Variants in PAPPA observed in about 807,000 individuals in gnomAD.
PAPPA encodes the protein pappalysin-1.
PAPPA carries 60 observed loss-of-function variants against 164.0 expected under a neutral mutation model. The observed-to-expected ratio is 0.37, with a 90% CI of 0.30 to 0.45. The LOEUF is 0.45. Ranked by LOEUF, PAPPA falls within the 20% of genes least tolerant of loss-of-function variation. The probability of loss-of-function intolerance (pLI) is 1.00; values close to 1 mark genes in which losing one functional copy is unlikely to be tolerated. For synonymous variants in PAPPA, 875 were observed against 814.1 expected (o/e 1.07, Z -1.27); for missense variants, 1,782 against 2,087.3 (o/e 0.85, Z 2.85).
intron 18 of PAPPA, 133 bp downstream of exon 18, chr9:116,362,872 T>A: frequency 1.2e-6 from 1 of 821,142 alleles, no homozygotes; most frequent in Non-Finnish European, 1.9e-6. Context: ...GAGAGATGAA[T>A]TAGTGTAGAC....
intron 2 of PAPPA, among the ~76,000 whole-genome samples, chr9:116,202,051 C>T (rs548865488): frequency 6.6e-6 from 1 of 152,148 alleles, no homozygotes; most frequent in Admixed American, 6.5e-5. Flanking sequence ...GAAGAGTGAC[C>T]TGCTTTGAGT....
chr9:116,228,327 G>A (rs893898932), intron 6 of PAPPA, among the ~76,000 whole-genome samples: 2 of 152,046 alleles, frequency 1.3e-5, no homozygotes, highest in African/African-American at 2.4e-5. Flanking sequence ...TGTACACATA[G>A]ACCCTGCCCC....
At chr9:116,216,533 CCACTCCTGGAGA>C (rs996574937) in intron 4 of PAPPA, among the ~76,000 whole-genome samples, 2 of 152,136 alleles carry the variant, frequency 1.3e-5, no homozygotes, top group African/African-American at 4.8e-5. Flanking sequence ...GATGAGCTGG[CCACTCCTGGAGA>C]CCAGATGAAG....
intron 1 of PAPPA, among the ~76,000 whole-genome samples, chr9:116,181,133 G>A (rs1286295186): frequency 6.6e-6 from 1 of 152,212 alleles, no homozygotes; most frequent in East Asian, 1.9e-4. Flanking sequence ...ACAGGCATTA[G>A]GAGATAAGAT....
At chr9:116,156,877 G>C (rs1843610696) in intron 1 of PAPPA, among the ~76,000 whole-genome samples, 1 of 152,240 alleles carries the variant, frequency 6.6e-6, no homozygotes, top group African/African-American at 2.4e-5. Flanking sequence ...TGGGCTGGGA[G>C]AGCCAGGACC....
At chr9:116,387,188 A>G (rs1024316906) in intron 21 of PAPPA, among the ~76,000 whole-genome samples, 1 of 152,168 alleles carries the variant, frequency 6.6e-6, no homozygotes, top group Non-Finnish European at 1.5e-5. Context: ...TGTGCATGTC[A>G]TCTCACTTAA....
intron 10 of PAPPA, among the ~76,000 whole-genome samples, chr9:116,326,639 G>A (rs918535257): frequency 2.0e-4 from 30 of 152,170 alleles, no homozygotes; most frequent in African/African-American, 6.5e-4. Flanking sequence ...GTATGGTACA[G>A]TATTGTTCAC....
At chr9:116,176,073 G>A (rs1217443391) in intron 1 of PAPPA, among the ~76,000 whole-genome samples, 1 of 152,174 alleles carries the variant, frequency 6.6e-6, no homozygotes, top group Non-Finnish European at 1.5e-5. Context: ...TGATGGTGGA[G>A]ACTCATGAAG....
intron 1 of PAPPA, among the ~76,000 whole-genome samples, chr9:116,172,830 T>C (rs1469190641): frequency 6.6e-6 from 1 of 152,202 alleles, no homozygotes; most frequent in Non-Finnish European, 1.5e-5. Flanking sequence ...TGATTTAAAG[T>C]CCCTTAAAGA....
chr9:116,154,727 A>C lies in PAPPA; in HGVS notation c.415+140A>C, dbSNP rs1006584866. On this transcript the variant is annotated intron_variant, in intron 1 of 21. Coordinates refer to ENST00000328252, the MANE Select transcript of PAPPA (RefSeq NM_002581.5). This position sits in a 1 kb window ranked among gnomAD's most constrained non-coding sequence, Gnocchi z 5.2. The stretch of plus-strand genomic sequence containing the variant: ...GCTGCCCCGCGAGCGGCGCAGAGAC[A>C]TCCGGGCGAGCTGAGAGCCTCACTT... The C allele has an allele frequency of 6.6e-5, 69 of 1,049,628 alleles. No homozygotes were observed. Among genetic ancestry groups the C allele is most frequent in the Non-Finnish European group, 8.2e-5 (69 of 839,164 alleles). The allele number at this position is 1,049,628 out of a possible 1,614,324, so 65.0% of individuals were successfully genotyped here.
At chr9:116,379,894 C>T (rs751075502) in intron 20 of PAPPA, among the ~76,000 whole-genome samples, 4 of 152,124 alleles carry the variant, frequency 2.6e-5, no homozygotes, top group South Asian at 2.1e-4. Context: ...ATGAGATAAA[C>T]CAGAGACAGG....
intron 1 of PAPPA, among the ~76,000 whole-genome samples, chr9:116,178,006 A>G (rs1209123602): frequency 3.3e-5 from 5 of 152,230 alleles, no homozygotes; most frequent in Admixed American, 6.5e-5. Context: ...TTCAGAGAAC[A>G]GTGTCAGAAA....
intron 10 of PAPPA, among the ~76,000 whole-genome samples, chr9:116,328,800 G>A (rs1002482523): frequency 6.6e-6 from 1 of 152,134 alleles, no homozygotes; most frequent in Non-Finnish European, 1.5e-5. Flanking sequence ...GAAGACATGT[G>A]AAAACCTATT....
intron 18 of PAPPA, among the ~76,000 whole-genome samples, chr9:116,363,276 G>A (rs1846453911): frequency 6.6e-6 from 1 of 152,156 alleles, no homozygotes; most frequent in South Asian, 2.1e-4. Flanking sequence ...TTTAACAGAT[G>A]AGGGAATCAA....
intron 7 of PAPPA, among the ~76,000 whole-genome samples, chr9:116,244,807 C>T (rs896386107): frequency 6.6e-6 from 1 of 152,174 alleles, no homozygotes; most frequent in Admixed American, 6.5e-5. Context: ...AGCAATCCCA[C>T]TCCTGGGTAT....
chr9:116,214,804 T>A (rs1180728221), intron 4 of PAPPA, among the ~76,000 whole-genome samples: 2 of 152,154 alleles, frequency 1.3e-5, no homozygotes, highest in African/African-American at 2.4e-5. Flanking sequence ...CAGGAGCAAG[T>A]GTCCTGTCCC....
chr9:116,393,316 T>C (rs563940050), intron 21 of PAPPA, among the ~76,000 whole-genome samples: 3 of 152,170 alleles, frequency 2.0e-5, no homozygotes. Context: ...ACTCTTATTA[T>C]AGGCAGGGAA....
At position 116,235,498 on chromosome 9, in the gene PAPPA, G is replaced by A. The variant is rs145638141; in HGVS notation, c.2593G>A (p.Asp865Asn). The stretch of plus-strand genomic sequence containing the variant: ...CACGCTGGATGAGCACCTGGAGATC[G>A]ATGCTGCCATGTTGACCTCCACTGC... ...IYTLDEHLEIDAAMLTSTADT... is the reference protein window; with the variant it reads ...IYTLDEHLEINAAMLTSTADT... Residue 865 changes from aspartate (D) to asparagine (N), a missense_variant, in exon 7 of 22, where the codon GAT becomes AAT. Physicochemically the swap from Asp to Asn is conservative, Grantham distance 23. This residue lies in a region of PAPPA where 1,324 missense variants were observed against 1,656.9 expected (regional missense o/e 0.80). Transcript: ENST00000328252. 26 of 1,613,572 alleles carry A rather than the reference G, an allele frequency of 1.6e-5. No homozygotes were observed. The highest frequency in any genetic ancestry group is 2.2e-5 in the East Asian group (1 of 44,834).
At chr9:116,289,276 A>C (rs1219071819) in intron 9 of PAPPA, among the ~76,000 whole-genome samples, 2 of 138,218 alleles carry the variant, frequency 1.4e-5, no homozygotes, top group Non-Finnish European at 3.1e-5. Flanking sequence ...TATAGCATAT[A>C]TATAGCATAT....
Sources: allele counts gnomAD v4.1 joint callset (sites outside exome capture counted in the v4.1 genomes callset), GRCh38; gene constraint gnomAD v4.1.1; regional missense constraint gnomAD v4.1.1; non-coding constraint Gnocchi (gnomAD v3.1); transcripts MANE v1.5; gene names NCBI Gene and HGNC (gene_info 2026-07-23, HGNC 2026-07-21).